CDH4: variants seen among roughly 807,000 people sequenced by gnomAD.
The protein encoded by CDH4 is cadherin 4, also known as cadherin-4.
Under a neutral mutation model 86.0 loss-of-function variants are expected in CDH4, and 33 were observed. The observed-to-expected ratio is 0.38, with a 90% CI of 0.29 to 0.51. CDH4 has a LOEUF of 0.51. Among genes scored for constraint, CDH4 ranks in the 20% least tolerant of loss-of-function variants. The pLI is 0.86. For missense variants in CDH4, 1,114 were observed against 1,307.4 expected (o/e 0.85, Z 2.28); for synonymous variants, 555 against 549.4 (o/e 1.01, Z -0.14).
chr20:61,329,530 GCT>G (rs751108762), intron 2 of CDH4, among the ~76,000 whole-genome samples: 73 of 149,444 alleles, frequency 4.9e-4, no homozygotes, highest in Non-Finnish European at 7.7e-4. Flanking sequence ...GAGGGCTCTT[GCT>G]CTCTCTCTCT....
rs776496614 is a variant in CDH4 at position 61,829,595 on chromosome 20, G to C, written c.577-15073G>C. Reference sequence around the variant, plus strand: ...AGCCTGTTTTCCACGGCGGCTCTGCGGGCCTCCTGTTGAGGAAGCCCTGGC... The same window carrying C: ...AGCCTGTTTTCCACGGCGGCTCTGCCGGCCTCCTGTTGAGGAAGCCCTGGC... On this transcript the variant is annotated intron_variant, in intron 4 of 15. Coordinates refer to ENST00000614565, the MANE Select transcript of CDH4 (RefSeq NM_001794.5). The surrounding 1 kb of genome is among the most constrained non-coding windows in gnomAD (Gnocchi z 4.2). Among the ~76,000 whole-genome samples, 5 of 152,190 alleles carry C rather than the reference G, an allele frequency of 3.3e-5. No homozygotes were observed. Among genetic ancestry groups the C allele is most frequent in the Non-Finnish European group, 7.4e-5 (5 of 68,026 alleles).
chr20:61,329,670 C>T (rs2084560786), intron 2 of CDH4, among the ~76,000 whole-genome samples: 1 of 100,914 alleles, frequency 9.9e-6, no homozygotes. Context: ...CCTGGATTGT[C>T]ACTTTAAAAA....
chr20:61,873,948 C>T (rs768123250), intron 7 of CDH4, 48 bp downstream of exon 7: 105 of 1,594,900 alleles, frequency 6.6e-5, no homozygotes, highest in Non-Finnish European at 8.4e-5. Context: ...TCCTGGTCCC[C>T]GCAGGACACC....
rs765287681 is a variant in CDH4, at chr20:61,703,740, G to A, written c.170-39823G>A. 3.4e-4 allele frequency among the ~76,000 whole-genome samples: 51 copies of A among 152,216 alleles called. No homozygotes were observed. The highest frequency in any genetic ancestry group is 6.5e-4 in the Non-Finnish European group (44 of 68,024). On this transcript the variant is annotated intron_variant, in intron 2 of 15. Transcript: ENST00000614565. The surrounding 1 kb of genome is among the most constrained non-coding windows in gnomAD (Gnocchi z 4.3). ...ACTCGGGGCAGGGTTGAGGCTTTCT[G>A]TGTCTGCATCAGACCCTGTGCACTA...
At chr20:61,908,054 G>T (rs944573564) in intron 8 of CDH4, among the ~76,000 whole-genome samples, 4 of 152,200 alleles carry the variant, frequency 2.6e-5, no homozygotes, top group African/African-American at 9.7e-5. Flanking sequence ...GGGCCGGGCT[G>T]CGGGGTTTTC....
chr20:61,521,244 G>T (rs1259839305), intron 2 of CDH4, among the ~76,000 whole-genome samples: 2 of 151,944 alleles, frequency 1.3e-5, no homozygotes, highest in African/African-American at 4.9e-5. Context: ...ATTGGGAGCG[G>T]GTCTGTGCTC....
intron 2 of CDH4, among the ~76,000 whole-genome samples, chr20:61,606,301 A>G (rs1198224404): frequency 6.6e-6 from 1 of 152,192 alleles, no homozygotes; most frequent in Admixed American, 6.5e-5. Context: ...GCGTGCTGCC[A>G]TTCCTTCCAC....
intron 2 of CDH4, among the ~76,000 whole-genome samples, chr20:61,387,179 C>T (rs1479639830): frequency 1.1e-5 from 1 of 87,216 alleles, no homozygotes; most frequent in Non-Finnish European, 2.4e-5. Context: ...ATGACACACA[C>T]ACACACAGAC....
intron 2 of CDH4, among the ~76,000 whole-genome samples, chr20:61,331,089 A>G (rs924549685): frequency 1.3e-5 from 2 of 151,972 alleles, no homozygotes; most frequent in Admixed American, 1.3e-4. Context: ...TTCCACAGCC[A>G]CCCCACGTGT....
chr20:61,441,790 AT>A lies in CDH4; in HGVS notation c.169+186854del, dbSNP rs1263000033. Reference sequence around the variant, plus strand: ...TGTGAGCAATAAATTTCCATGGCTCATAAATGACCCAGTCTAAGCTCTTCTG... The same window carrying A: ...TGTGAGCAATAAATTTCCATGGCTCAAAATGACCCAGTCTAAGCTCTTCTG... On this transcript the variant is annotated intron_variant, in intron 2 of 15. Transcript: ENST00000614565. Among the ~76,000 whole-genome samples, 6 of 152,300 alleles carry A rather than the reference AT, an allele frequency of 3.9e-5. No individual in the cohort carries two copies. In the East Asian group the frequency reaches 7.7e-4, roughly 20 times the overall value.
intron 3 of CDH4, among the ~76,000 whole-genome samples, chr20:61,766,687 C>T (rs1447066908): frequency 6.6e-6 from 1 of 152,160 alleles, no homozygotes; most frequent in African/African-American, 2.4e-5. Flanking sequence ...GCCTGTGACG[C>T]CCCCACCCTG....
chr20:61,360,738 C>T (rs924712131), intron 2 of CDH4, among the ~76,000 whole-genome samples: 5 of 152,092 alleles, frequency 3.3e-5, no homozygotes, highest in African/African-American at 1.2e-4. Flanking sequence ...CTGAACTTCA[C>T]ACAAAATGGA....
chr20:61,273,504 T>C (rs147809213), intron 2 of CDH4, among the ~76,000 whole-genome samples: 1 of 1,286 alleles, frequency 7.8e-4, no homozygotes. Flanking sequence ...CCACGTGCAG[T>C]TTGGGGGAGG....
intron 2 of CDH4, among the ~76,000 whole-genome samples, chr20:61,688,867 C>T (rs1164950809): frequency 1.3e-5 from 2 of 152,266 alleles, no homozygotes; most frequent in Admixed American, 1.3e-4. Flanking sequence ...ACGTCCCTGT[C>T]ATCTCAGCTG....
intron 8 of CDH4, among the ~76,000 whole-genome samples, chr20:61,901,912 G>A (rs1406095179): frequency 1.3e-5 from 2 of 152,224 alleles, no homozygotes; most frequent in Non-Finnish European, 2.9e-5. Context: ...TCCGTCAGAG[G>A]TGGAAGTAAA....
chr20:61,369,381 G>A (rs1039715406), intron 2 of CDH4, among the ~76,000 whole-genome samples: 18 of 150,508 alleles, frequency 1.2e-4, no homozygotes, highest in African/African-American at 4.2e-4. Context: ...AACCCGGGTG[G>A]TGGAGGTTGC....
At chr20:61,597,101 G>T (rs1044853634) in intron 2 of CDH4, among the ~76,000 whole-genome samples, 2 of 152,262 alleles carry the variant, frequency 1.3e-5, no homozygotes, top group African/African-American at 2.4e-5. Context: ...CTGCAACTGT[G>T]CTGGGAGATG....
intron 2 of CDH4, among the ~76,000 whole-genome samples, chr20:61,638,030 T>TAGAAAAAA (rs1555817361): frequency 2.1e-5 from 3 of 141,400 alleles, no homozygotes; most frequent in Non-Finnish European, 3.0e-5. Context: ...AAACTCCGTC[T>TAGAAAAAA]AAAAAAAAAA....
intron 4 of CDH4, among the ~76,000 whole-genome samples, chr20:61,828,429 T>TG (rs1458443245): frequency 6.6e-6 from 1 of 152,178 alleles, no homozygotes. Flanking sequence ...AATCCAGTCC[T>TG]GGGGAAACTG....
Sources: gnomAD v4.1 joint callset for allele counts (sites outside exome capture counted in the v4.1 genomes callset) on GRCh38, gnomAD v4.1.1 for gene constraint, Gnocchi (gnomAD v3.1) non-coding constraint, MANE v1.5 for transcripts, NCBI Gene and HGNC (gene_info 2026-07-23, HGNC 2026-07-21) for gene names.